ICA1: variants seen among roughly 807,000 people sequenced by gnomAD.
The protein encoded by ICA1 is 69 kDa islet cell autoantigen.
Under a neutral mutation model 71.0 loss-of-function variants are expected in ICA1, and 40 were observed. The observed-to-expected ratio is 0.56, with a 90% CI of 0.44 to 0.73. ICA1 has a LOEUF of 0.73. Ranked by LOEUF, ICA1 falls within the 30% of genes least tolerant of loss-of-function variation. The probability of loss-of-function intolerance (pLI) is 0.00; values close to 1 mark genes in which losing one functional copy is unlikely to be tolerated. For synonymous variants in ICA1, 207 were observed against 209.5 expected (o/e 0.99, Z 0.10); for missense variants, 578 against 576.5 (o/e 1.00, Z -0.03).
intron 6 of ICA1, among the ~76,000 whole-genome samples, chr7:8,215,116 C>G: frequency 6.6e-6 from 1 of 152,124 alleles, no homozygotes. Context: ...GAACACAAAC[C>G]TGATCATGCC....
chr7:8,256,030 C>T (rs535785755), intron 1 of ICA1, among the ~76,000 whole-genome samples: 4 of 151,754 alleles, frequency 2.6e-5, no homozygotes, highest in Non-Finnish European at 5.9e-5. Flanking sequence ...TTGCCCTGGT[C>T]TCCCAAAGTG....
At chr7:8,156,831 C>G (rs1439841535) in intron 8 of ICA1, 1 of 1,483,878 alleles carries the variant, frequency 6.7e-7, no homozygotes, top group Non-Finnish European at 8.9e-7. Context: ...CTCAAGTTCA[C>G]CACAATTCAT....
At chr7:8,236,306 T>G (rs546838869) in intron 1 of ICA1, among the ~76,000 whole-genome samples, 1 of 152,240 alleles carries the variant, frequency 6.6e-6, no homozygotes, top group African/African-American at 2.4e-5. Flanking sequence ...CAATACTATA[T>G]GTTGTTGAGG....
chr7:8,151,083 T>C (rs1409249408), intron 8 of ICA1, among the ~76,000 whole-genome samples: 1 of 152,260 alleles, frequency 6.6e-6, no homozygotes, highest in Admixed American at 6.5e-5. Context: ...GTGCTGAACC[T>C]AGCAGTACTA....
At chr7:8,204,151 A>G (rs17144896) in intron 6 of ICA1, among the ~76,000 whole-genome samples, 10,941 of 152,248 alleles carry the variant, frequency 0.072, 433 homozygotes, top group East Asian at 0.1. Context: ...AGGACGTGGC[A>G]TGTGCTGGAA....
intron 6 of ICA1, among the ~76,000 whole-genome samples, chr7:8,200,271 G>C (rs1260565672): frequency 7.6e-6 from 1 of 131,626 alleles, no homozygotes; most frequent in Non-Finnish European, 1.5e-5. Flanking sequence ...ATAGTGCCAT[G>C]TGTTTCCGGG....
At chr7:8,192,814 T>C (rs973392569) in intron 6 of ICA1, among the ~76,000 whole-genome samples, 1 of 152,214 alleles carries the variant, frequency 6.6e-6, no homozygotes, top group South Asian at 2.1e-4. Context: ...TAAAATTATT[T>C]ATTTAAATTA....
At chr7:8,156,698 C>T in intron 8 of ICA1, 2 of 797,856 alleles carry the variant, frequency 2.5e-6, no homozygotes, top group Non-Finnish European at 3.6e-6. Context: ...GAAAGGAGGA[C>T]ACCTTCTCAA....
At chr7:8,245,257 G>T (rs1036655681) in intron 1 of ICA1, among the ~76,000 whole-genome samples, 7 of 152,108 alleles carry the variant, frequency 4.6e-5, no homozygotes, top group African/African-American at 1.7e-4. Context: ...CATGTCCTTT[G>T]CAAGGACATG....
intron 1 of ICA1, among the ~76,000 whole-genome samples, chr7:8,258,253 G>A (rs1052772654): frequency 4.6e-5 from 7 of 152,170 alleles, no homozygotes; most frequent in African/African-American, 1.7e-4. Flanking sequence ...TTGGGATTCT[G>A]AGTGTTTAGC....
At chr7:8,207,036 G>A (rs6415290) in intron 6 of ICA1, among the ~76,000 whole-genome samples, 150,542 of 152,302 alleles carry the variant, frequency 0.99, 74,409 homozygotes, top group Middle Eastern at 1. Flanking sequence ...AGCAGAAGAA[G>A]ACCTCATCCC....
At chr7:8,254,541 C>T (rs1472141820) in intron 1 of ICA1, among the ~76,000 whole-genome samples, 2 of 149,224 alleles carry the variant, frequency 1.3e-5, no homozygotes, top group Non-Finnish European at 3.0e-5. Flanking sequence ...AATAAAGATC[C>T]CTTTTTCAGG....
At chr7:8,146,993 T>C (rs1190458910) in intron 8 of ICA1, among the ~76,000 whole-genome samples, 5 of 151,974 alleles carry the variant, frequency 3.3e-5, no homozygotes, top group Non-Finnish European at 5.9e-5. Flanking sequence ...AAGGTTCTGA[T>C]GGCTCCCAAG....
intron 12 of ICA1, among the ~76,000 whole-genome samples, chr7:8,134,393 G>A (rs182908505): frequency 2.0e-5 from 3 of 152,292 alleles, no homozygotes; most frequent in Admixed American, 2.0e-4. Context: ...TGAGTTTCAT[G>A]ACCTCAGCAT....
At chr7:8,184,869 G>A (rs1783389825) in intron 6 of ICA1, among the ~76,000 whole-genome samples, 1 of 152,194 alleles carries the variant, frequency 6.6e-6, no homozygotes, top group South Asian at 2.1e-4. Flanking sequence ...GAGGTCAGGA[G>A]TTTGAGACCA....
chr7:8,155,289 C>T (rs1279791591), intron 8 of ICA1, among the ~76,000 whole-genome samples: 2 of 152,226 alleles, frequency 1.3e-5, no homozygotes, highest in Non-Finnish European at 2.9e-5. Context: ...AGATAGTCAT[C>T]TGCCCAAAAT....
chr7:8,257,678 C>T (rs1319567714), intron 1 of ICA1, among the ~76,000 whole-genome samples: 1 of 152,134 alleles, frequency 6.6e-6, no homozygotes, highest in African/African-American at 2.4e-5. Context: ...TAAAATTGAA[C>T]TCTGCAATGT....
At chr7:8,253,055 T>C (rs888376802) in intron 1 of ICA1, among the ~76,000 whole-genome samples, 1 of 152,186 alleles carries the variant, frequency 6.6e-6, no homozygotes, top group Non-Finnish European at 1.5e-5. Context: ...ATTTTACTAC[T>C]AGAATGTTTT....
intron 8 of ICA1, among the ~76,000 whole-genome samples, chr7:8,153,516 A>C (rs1800379632): frequency 6.6e-6 from 1 of 152,096 alleles, no homozygotes; most frequent in Non-Finnish European, 1.5e-5. Context: ...CCCCCTTGAT[A>C]ATGTCTGCTC....
Sources: allele counts gnomAD v4.1 joint callset (sites outside exome capture counted in the v4.1 genomes callset), GRCh38; gene constraint gnomAD v4.1.1; transcripts MANE v1.5; gene names NCBI Gene and HGNC (gene_info 2026-07-23, HGNC 2026-07-21).